TNKS: variants seen among roughly 807,000 people sequenced by gnomAD.
TNKS encodes poly [ADP-ribose] polymerase tankyrase-1.
TNKS carries 72 observed loss-of-function variants against 135.8 expected under a neutral mutation model. The ratio of observed to expected loss-of-function variants is 0.53; its 90% confidence interval spans 0.44 to 0.64. TNKS has a LOEUF of 0.64. Ranked by LOEUF, TNKS falls within the 30% of genes least tolerant of loss-of-function variation. The pLI is 0.00. For synonymous variants in TNKS, 849 were observed against 649.3 expected (o/e 1.31, Z -4.68); for missense variants, 1,769 against 1,674.0 (o/e 1.06, Z -0.99).
At chr8:9,617,316 C>G (rs371711956) in intron 3 of TNKS, among the ~76,000 whole-genome samples, 3 of 152,180 alleles carry the variant, frequency 2.0e-5, no homozygotes, top group African/African-American at 7.2e-5. Flanking sequence ...CCATCTAACA[C>G]TGTACTTTGC....
At chr8:9,654,745 TA>T (rs1275848908) in intron 3 of TNKS, among the ~76,000 whole-genome samples, 1 of 152,156 alleles carries the variant, frequency 6.6e-6, no homozygotes, top group Admixed American at 6.5e-5. Flanking sequence ...GGGAATACCT[TA>T]AAAAGTATCT....
In TNKS at chr8:9,763,130, A is replaced by AT; in HGVS notation, c.3275-12dup. ...GTGTAGACTTTTGTTTTATATGTTA[A>AT]TTTTTCTCTCCGACAGGCACCAATC... On this transcript the variant is annotated splice_polypyrimidine_tract_variant and intron_variant, in intron 21 of 26. Coordinates refer to ENST00000310430, the MANE Select transcript of TNKS (RefSeq NM_003747.3). 6.8e-6 allele frequency: 10 copies of AT among 1,469,456 alleles called. No individual in the cohort carries two copies. Among genetic ancestry groups the AT allele is most frequent in the Non-Finnish European group, 9.2e-6 (10 of 1,082,090 alleles). 91.0% of individuals were successfully genotyped at this position (1,469,456 alleles called of 1,614,324 possible).
chr8:9,615,591 A>G lies in TNKS; in HGVS notation c.908A>G (p.Gln303Arg), dbSNP rs1317404003. The stretch of plus-strand genomic sequence containing the variant: ...TGCTTTCCCTGCACAGTGCTGCTGC[A>G]GCACGGAGCTGACCCAAACATTCGG... Reference protein sequence around the residue: ...GKIDVCIVLLQHGADPNIRNT... With the variant: ...GKIDVCIVLLRHGADPNIRNT... Residue 303 changes from glutamine to arginine, a missense_variant, in exon 3 of 27, where the codon CAG (glutamine) becomes CGG (arginine). This residue lies in a region of TNKS where 523 missense variants were observed against 541.0 expected (regional missense o/e 0.97). Coordinates refer to ENST00000310430, the MANE Select transcript of TNKS (RefSeq NM_003747.3). 1 of 1,613,324 alleles carries G rather than the reference A, an allele frequency of 6.2e-7. No homozygotes were observed. The highest frequency in any genetic ancestry group is 8.5e-7 in the Non-Finnish European group (1 of 1,179,660).
chr8:9,731,655 T>A (rs11784704), intron 14 of TNKS, among the ~76,000 whole-genome samples: 105,991 of 151,540 alleles, frequency 0.7, 37,601 homozygotes, highest in Admixed American at 0.8. Flanking sequence ...TGGTGGTGCC[T>A]TCCTATATGG....
chr8:9,765,650 C>T (rs539769422), intron 23 of TNKS, 42 bp from the exon 24 acceptor site: 1 of 1,485,140 alleles, frequency 6.7e-7, no homozygotes, highest in South Asian at 1.1e-5. Context: ...ATCATAAATG[C>T]ACGTTTCACC....
chr8:9,751,916 T>A, intron 19 of TNKS, 70 bp downstream of exon 19: 1 of 1,377,204 alleles, frequency 7.3e-7, no homozygotes, highest in Non-Finnish European at 1.0e-6. Flanking sequence ...TTTTTTCTAT[T>A]GATAACTATT....
intron 1 of TNKS, among the ~76,000 whole-genome samples, chr8:9,576,976 A>G (rs1797973711): frequency 6.6e-6 from 1 of 152,216 alleles, no homozygotes; most frequent in Admixed American, 6.5e-5. Context: ...TATAACAAAC[A>G]TTGAATTTAT....
chr8:9,658,357 C>G, intron 3 of TNKS: 5 of 1,192,574 alleles, frequency 4.2e-6, no homozygotes, highest in Non-Finnish European at 5.5e-6. Flanking sequence ...CCAGGCGGCG[C>G]TCGCCGGCGC....
At chr8:9,769,643 G>A (rs868727346) in intron 25 of TNKS, among the ~76,000 whole-genome samples, 50 of 124,824 alleles carry the variant, frequency 4.0e-4, no homozygotes, top group African/African-American at 1.2e-3. Flanking sequence ...TTTTTGAGAC[G>A]GAGTCTCGCT....
chr8:9,748,009 T>G lies in TNKS; in HGVS notation c.2644-15T>G. ...TCTCATTCTTAACTCTTTGTATCCT[T>G]TTCTTTTTTTTCAGCATGTTGACAT... On this transcript the variant is annotated splice_polypyrimidine_tract_variant and intron_variant, in intron 17 of 26. Transcript: ENST00000310430. 6.3e-7 allele frequency: 1 copy of G among 1,596,048 alleles called. No individual in the cohort carries two copies. Among genetic ancestry groups the G allele is most frequent in the Non-Finnish European group, 8.5e-7 (1 of 1,170,178 alleles).
intron 11 of TNKS, among the ~76,000 whole-genome samples, chr8:9,716,811 C>G (rs1271318802): frequency 6.6e-6 from 1 of 151,720 alleles, no homozygotes; most frequent in Admixed American, 6.6e-5. Flanking sequence ...TATTATTTCT[C>G]TATGGCCTAA....
At chr8:9,581,735 C>T (rs1265229562) in intron 2 of TNKS, among the ~76,000 whole-genome samples, 1 of 152,148 alleles carries the variant, frequency 6.6e-6, no homozygotes, top group Non-Finnish European at 1.5e-5. Flanking sequence ...CCTTTCCAGG[C>T]TTCAGTCTTC....
chr8:9,760,189 C>T (rs1017534477), intron 20 of TNKS, among the ~76,000 whole-genome samples: 1 of 152,048 alleles, frequency 6.6e-6, no homozygotes, highest in African/African-American at 2.4e-5. Flanking sequence ...TGAACTATTC[C>T]ATCTCAAAGA....
At position 9,770,185 on chromosome 8, in the gene TNKS, G is replaced by T. The variant is rs2128840026; in HGVS notation, c.3820G>T (p.Gly1274Trp). 6.2e-7 allele frequency: 1 copy of T among 1,613,462 alleles called. No individual in the cohort carries two copies. The highest frequency in any genetic ancestry group is 8.5e-7 in the Non-Finnish European group (1 of 1,179,962). Residue 1274 changes from glycine (G) to tryptophan (W), a missense_variant, in exon 26 of 27, where the codon GGG becomes TGG. This residue lies in a region of TNKS where 722 missense variants were observed against 688.9 expected (regional missense o/e 1.05). Transcript: ENST00000310430. ...CATGAAAATGGCCCACGCGCCTCCA[G>T]GGCACCACTCAGTCATTGGTAGACC... ...STMKMAHAPP[G>W]HHSVIGRPSV... is the part of the protein sequence containing the mutation.
At chr8:9,581,905 TG>T (rs1798182120) in intron 2 of TNKS, among the ~76,000 whole-genome samples, 1 of 152,152 alleles carries the variant, frequency 6.6e-6, no homozygotes, top group Admixed American at 6.5e-5. Context: ...AGACTAGATA[TG>T]GGGCTTGAAT....
At chr8:9,747,989 T>C (rs1806321732) in intron 17 of TNKS, 35 bp from the exon 18 acceptor site, 3 of 1,571,506 alleles carry the variant, frequency 1.9e-6, no homozygotes, top group African/African-American at 1.4e-5. Flanking sequence ...GATGATCTCA[T>C]TCTTAACTCT....
At chr8:9,625,971 GTCTGGTTGT>G (rs577817261) in intron 3 of TNKS, among the ~76,000 whole-genome samples, 2 of 152,084 alleles carry the variant, frequency 1.3e-5, no homozygotes, top group Admixed American at 1.3e-4. Flanking sequence ...CTGATTTTCT[GTCTGGTTGT>G]TCTATCAGTT....
At chr8:9,707,832 C>T (rs1804120622) in intron 8 of TNKS, among the ~76,000 whole-genome samples, 1 of 152,164 alleles carries the variant, frequency 6.6e-6, no homozygotes, top group African/African-American at 2.4e-5. Flanking sequence ...AAGACCTAAT[C>T]ACCATTGATA....
At chr8:9,657,634 G>A in intron 3 of TNKS, among the ~76,000 whole-genome samples, 1 of 89,448 alleles carries the variant, frequency 1.1e-5, no homozygotes, top group South Asian at 5.6e-4. Flanking sequence ...GGACGGGGCG[G>A]CTGGCCGGGT....
Sources: allele counts gnomAD v4.1 joint callset (sites outside exome capture counted in the v4.1 genomes callset), GRCh38; gene constraint gnomAD v4.1.1; regional missense constraint gnomAD v4.1.1; transcripts MANE v1.5; gene names NCBI Gene and HGNC (gene_info 2026-07-23, HGNC 2026-07-21).